Variants in GALNT13 observed in about 807,000 individuals in gnomAD.
GALNT13 encodes the protein polypeptide N-acetylgalactosaminyltransferase 13, also known as UDP-GalNAc:polypeptide N-acetylgalactosaminyltransferase 13.
In GALNT13, 28 loss-of-function variants were observed where a neutral mutation model predicts 64.2. The observed-to-expected ratio is 0.44, with a 90% CI of 0.32 to 0.60. The LOEUF is 0.60. Among genes scored for constraint, GALNT13 ranks in the 20% least tolerant of loss-of-function variants. The probability of loss-of-function intolerance (pLI) is 0.05; values close to 1 mark genes in which losing one functional copy is unlikely to be tolerated. For missense variants in GALNT13, 577 were observed against 669.8 expected, an observed-to-expected ratio of 0.86 and a Z score of 1.53; for synonymous variants, 214 against 224.6, an observed-to-expected ratio of 0.95 and a Z score of 0.42.
At chr2:153,523,041 C>CTGT in the GALNT13 span, among the ~76,000 whole-genome samples, 719 of 74,676 alleles carry the variant, frequency 9.6e-3, 11 homozygotes, top group African/African-American at 0.052. Context: ...TCTGTGTTTA[C>CTGT]TATTTTTTTT....
intron 3 of GALNT13, among the ~76,000 whole-genome samples, chr2:154,108,659 C>T (rs1702759598): frequency 6.6e-6 from 1 of 151,184 alleles, no homozygotes; most frequent in African/African-American, 2.4e-5. Flanking sequence ...AATAATTGGC[C>T]AGCTCTTTCT....
chr2:153,721,008 G>A, the GALNT13 span, among the ~76,000 whole-genome samples: 24 of 152,066 alleles, frequency 1.6e-4, no homozygotes, highest in African/African-American at 5.8e-4. Flanking sequence ...ATACATAATT[G>A]TCAGATTCAC....
chr2:153,646,590 C>T, the GALNT13 span, among the ~76,000 whole-genome samples: 1 of 151,958 alleles, frequency 6.6e-6, no homozygotes, highest in East Asian at 1.9e-4. Context: ...TTAGGTATAT[C>T]TCCTAATGCT....
chr2:153,274,186 A>G, the GALNT13 span, among the ~76,000 whole-genome samples: 5 of 152,282 alleles, frequency 3.3e-5, no homozygotes, highest in East Asian at 3.9e-4. Context: ...CTGGGCGACA[A>G]GAGCGAGACT....
chr2:153,192,829 G>A, the GALNT13 span, among the ~76,000 whole-genome samples: 157 of 151,556 alleles, frequency 1.0e-3, 1 homozygote, highest in African/African-American at 3.7e-3. Flanking sequence ...CTTGCTATTG[G>A]CTTCTGTTTG....
In GALNT13 at chr2:154,104,141, CT is replaced by C. The variant is rs199690981; in HGVS notation, c.143-36194del. The stretch of plus-strand genomic sequence containing the variant: ...ATGCTCCTGTATAAGGGCTTGCCAT[CT>C]TCCATTCACAGAGACACTGTCCTTT... On this transcript the variant is annotated intron_variant, in intron 3 of 12. Coordinates refer to ENST00000392825, the MANE Select transcript of GALNT13 (RefSeq NM_052917.4). Among the ~76,000 whole-genome samples the C allele has an allele frequency of 4.7e-3, 677 of 144,374 alleles. 10 individuals are homozygous for C. Among genetic ancestry groups the C allele is most frequent in the African/African-American group, 0.016 (635 of 39,160 alleles). The allele number at this position is 144,374 out of a possible 152,430, so 94.7% of individuals were successfully genotyped here.
At chr2:153,421,861 A>G in the GALNT13 span, 4 of 189,578 alleles carry the variant, frequency 2.1e-5, no homozygotes, top group Non-Finnish European at 3.3e-5. Context: ...GCATTGGGCT[A>G]TCGTGCTGGA....
At chr2:153,473,932 A>C in the GALNT13 span, among the ~76,000 whole-genome samples, 1 of 152,172 alleles carries the variant, frequency 6.6e-6, no homozygotes, top group African/African-American at 2.4e-5. Context: ...TCCCCAGTAC[A>C]ATGGGCTTTA....
chr2:153,670,168 T>G, the GALNT13 span, among the ~76,000 whole-genome samples: 1 of 152,204 alleles, frequency 6.6e-6, no homozygotes, highest in Non-Finnish European at 1.5e-5. Context: ...CTTCCCTGCC[T>G]GACAGCCCTG....
the GALNT13 span, among the ~76,000 whole-genome samples, chr2:153,704,060 C>T: frequency 6.6e-6 from 1 of 151,974 alleles, no homozygotes; most frequent in African/African-American, 2.4e-5. Context: ...TTGAAAACAC[C>T]AGTGCATTTT....
chr2:154,408,903 T>C (rs536289952), intron 10 of GALNT13, 81 bp from the exon 11 acceptor site: 1 of 817,046 alleles, frequency 1.2e-6, no homozygotes, highest in Non-Finnish European at 2.1e-6. Flanking sequence ...TAACAATAGA[T>C]AGTAACATGA....
chr2:153,265,409 A>G, the GALNT13 span, among the ~76,000 whole-genome samples: 1 of 152,228 alleles, frequency 6.6e-6, no homozygotes. Flanking sequence ...CTCCATGGGA[A>G]CCAGCTGAGT....
At chr2:153,772,543 A>T in the GALNT13 span, among the ~76,000 whole-genome samples, 1 of 152,146 alleles carries the variant, frequency 6.6e-6, no homozygotes, top group African/African-American at 2.4e-5. Context: ...TCACTATTCC[A>T]GTGAATTCTC....
At chr2:153,824,843 C>T in the GALNT13 span, among the ~76,000 whole-genome samples, 1 of 152,090 alleles carries the variant, frequency 6.6e-6, no homozygotes, top group African/African-American at 2.4e-5. Context: ...ACCTCTCTGT[C>T]CCTCCTGCTC....
chr2:154,066,767 T>C (rs1700487412), intron 3 of GALNT13, among the ~76,000 whole-genome samples: 1 of 152,030 alleles, frequency 6.6e-6, no homozygotes, highest in Admixed American at 6.6e-5. Context: ...AGGATGTTAA[T>C]GATCAAGAAA....
chr2:153,860,631 G>A, the GALNT13 span, among the ~76,000 whole-genome samples: 173 of 152,296 alleles, frequency 1.1e-3, no homozygotes, highest in African/African-American at 3.7e-3. Context: ...ACAGAGAGAA[G>A]CAATCACTTC....
At chr2:153,386,494 C>G in the GALNT13 span, among the ~76,000 whole-genome samples, 1 of 151,972 alleles carries the variant, frequency 6.6e-6, no homozygotes, top group African/African-American at 2.4e-5. Flanking sequence ...CTTCTGCTGA[C>G]TTTGTGAGCT....
chr2:153,158,730 C>T, the GALNT13 span, among the ~76,000 whole-genome samples: 1 of 152,154 alleles, frequency 6.6e-6, no homozygotes, highest in South Asian at 2.1e-4. Context: ...TTAATTTTAT[C>T]CTAGACTGCT....
At chr2:153,424,616 T>A in the GALNT13 span, among the ~76,000 whole-genome samples, 1 of 151,836 alleles carries the variant, frequency 6.6e-6, no homozygotes, top group African/African-American at 2.4e-5. Flanking sequence ...GTCTGATAAA[T>A]CCAAGTGTTG....
Sources: allele counts gnomAD v4.1 joint callset (sites outside exome capture counted in the v4.1 genomes callset), GRCh38; gene constraint gnomAD v4.1.1; transcripts MANE v1.5; gene names NCBI Gene and HGNC (gene_info 2026-07-23, HGNC 2026-07-21).